The following FGF13 variants were observed in gnomAD, a reference collection of about 807,000 sequenced individuals.
FGF13 encodes the protein fibroblast growth factor 13.
FGF13 carries 2 observed loss-of-function variants against 19.5 expected under a neutral mutation model. That is an observed-to-expected ratio of 0.10 (90% confidence interval 0.04 to 0.32). The LOEUF (loss-of-function observed/expected upper bound fraction) is 0.32. FGF13 is among the 10% of genes least tolerant of loss of function. The pLI, the probability that FGF13 is intolerant of heterozygous loss-of-function variation, is 1.00. For synonymous variants in FGF13, 72 were observed against 76.9 expected, an observed-to-expected ratio of 0.94 and a Z score of 0.33; for missense variants, 113 against 192.7, an observed-to-expected ratio of 0.59 and a Z score of 2.45.
chrX:139,165,107 G>C (rs936480986), intron 1 of FGF13, among the ~76,000 whole-genome samples: 7 of 112,035 alleles, frequency 6.2e-5, no homozygotes, highest in East Asian at 5.7e-4. Flanking sequence ...CTCTCAGATG[G>C]AAATGAGAAA....
intron 3 of FGF13, among the ~76,000 whole-genome samples, chrX:138,796,939 T>C (rs193096771): frequency 4.0e-4 from 45 of 112,197 alleles, no homozygotes; most frequent in Admixed American, 1.9e-3. Context: ...AAGTTCCTTG[T>C]AGATTCTGGA....
intron 1 of FGF13, among the ~76,000 whole-genome samples, chrX:139,023,222 G>C (rs910772994): frequency 9.0e-6 from 1 of 111,020 alleles, no homozygotes; most frequent in African/African-American, 3.3e-5. Context: ...ATAGTAGTGT[G>C]AAAGCAGCTA....
intron 2 of FGF13, among the ~76,000 whole-genome samples, chrX:138,860,251 A>G (rs143869468): frequency 0.026 from 2,936 of 111,315 alleles, 102 homozygotes; most frequent in African/African-American, 0.088. Flanking sequence ...CTCAAGTAGG[A>G]TGGTGGCTGT....
At chrX:138,824,695 T>A (rs1433921893) in intron 3 of FGF13, among the ~76,000 whole-genome samples, 1 of 111,509 alleles carries the variant, frequency 9.0e-6, no homozygotes, top group African/African-American at 3.3e-5. Flanking sequence ...TTTGCCTATA[T>A]TCCTTCTAAG....
rs748124343 is a variant in FGF13 at position 138,875,231 on chromosome X, C to CAAAA, written c.-112-10585_-112-10582dup. On this transcript the variant is annotated intron_variant, in intron 1 of 2. Transcript: ENST00000421460. The stretch of plus-strand genomic sequence containing the variant: ...TCGGTGACAGAGCGAGACTCTGTCT[C>CAAAA]AAAAAAAAAAAAAAAAACAGAAAAG... Among the ~76,000 whole-genome samples the CAAAA allele has an allele frequency of 8.0e-3, 318 of 39,835 alleles. 4 individuals are homozygous for CAAAA. The highest frequency in any genetic ancestry group is 0.025 in the African/African-American group (300 of 11,765). 34.6% of individuals were successfully genotyped at this position (39,835 alleles called of 115,157 possible).
At chrX:139,037,365 G>T (rs1305067623) in intron 1 of FGF13, among the ~76,000 whole-genome samples, 1 of 110,492 alleles carries the variant, frequency 9.1e-6, no homozygotes, top group East Asian at 2.8e-4. Flanking sequence ...ATGCTTGACA[G>T]TAGTAAAAAA....
chrX:138,867,231 G>A (rs1338479335), intron 1 of FGF13, among the ~76,000 whole-genome samples: 1 of 110,485 alleles, frequency 9.1e-6, no homozygotes, highest in Non-Finnish European at 1.9e-5. Context: ...AACATAGTGA[G>A]ACCACATCTC....
At chrX:138,995,074 G>A (rs781548986) in intron 1 of FGF13, among the ~76,000 whole-genome samples, 28 of 109,294 alleles carry the variant, frequency 2.6e-4, no homozygotes, top group Admixed American at 2.2e-3. Context: ...CAATGAAGAG[G>A]GCAGGAAAGA....
At chrX:138,757,127 C>A (rs145047247) in intron 3 of FGF13, among the ~76,000 whole-genome samples, 3,981 of 110,713 alleles carry the variant, frequency 0.036, 70 homozygotes, top group Non-Finnish European at 0.056. Flanking sequence ...ATGCCATTTA[C>A]TGGCTTGGTA....
In FGF13 at chrX:138,649,818, C is replaced by A. The variant is rs966696140; in HGVS notation, c.403-14163G>T. On this transcript the variant is annotated intron_variant, in intron 3 of 4. Coordinates refer to ENST00000315930, the MANE Select transcript of FGF13 (RefSeq NM_004114.5). ...TGTAAAGAATCACAATGCATGATTTCCCTAGACAGTCAGAACTCCTCTGAA... is the reference window on the plus strand; with the variant it reads ...TGTAAAGAATCACAATGCATGATTTACCTAGACAGTCAGAACTCCTCTGAA... 3.6e-5 allele frequency among the ~76,000 whole-genome samples: 4 copies of A among 112,346 alleles called. No homozygotes were observed. In the East Asian group the frequency reaches 1.1e-3, roughly 31 times the overall value.
At chrX:138,738,810 T>C (rs965470212) in intron 1 of FGF13, among the ~76,000 whole-genome samples, 1 of 112,009 alleles carries the variant, frequency 8.9e-6, no homozygotes, top group Non-Finnish European at 1.9e-5. Context: ...AAAAGAAAAA[T>C]ACATTAAAAG....
intron 1 of FGF13, among the ~76,000 whole-genome samples, chrX:139,038,300 A>G (rs1051981320): frequency 3.6e-5 from 4 of 110,780 alleles, no homozygotes; most frequent in Non-Finnish European, 7.6e-5. Context: ...AACCCCGACC[A>G]CAGCGTTGTA....
At chrX:138,761,454 G>C (rs2090465578) in intron 3 of FGF13, among the ~76,000 whole-genome samples, 1 of 111,540 alleles carries the variant, frequency 9.0e-6, no homozygotes, top group Non-Finnish European at 1.9e-5. Flanking sequence ...GCTTTGAAAG[G>C]ACCACTGAGG....
Position 138,711,126 on chromosome X carries a change from G to T in FGF13, c.-123C>A. 9.0e-7 allele frequency: 1 copy of T among 1,105,499 alleles called. No homozygotes were observed. The highest frequency in any genetic ancestry group is 1.2e-6 in the Non-Finnish European group (1 of 848,694). The allele number at this position is 1,105,499 out of a possible 1,213,427, so 91.1% of individuals were successfully genotyped here. On this transcript the variant is annotated 5_prime_UTR_variant, in exon 1 of 5. Transcript: ENST00000315930. Reference sequence around the variant, plus strand: ...CGCCGCTTTGGTCTCCTTAGCCTGCGTTTGCCCGGGCTTCTCCGCACTCGG... The same window carrying T: ...CGCCGCTTTGGTCTCCTTAGCCTGCTTTTGCCCGGGCTTCTCCGCACTCGG...
At chrX:139,071,311 A>G (rs1288121406) in intron 1 of FGF13, among the ~76,000 whole-genome samples, 2 of 111,265 alleles carry the variant, frequency 1.8e-5, no homozygotes, top group African/African-American at 6.5e-5. Context: ...TATGCCTTCT[A>G]TTGGTTTGGA....
chrX:138,792,885 C>CT (rs1336890175), intron 3 of FGF13, among the ~76,000 whole-genome samples: 44 of 111,697 alleles, frequency 3.9e-4, no homozygotes, highest in Non-Finnish European at 1.9e-4. Context: ...GCCCTAACTC[C>CT]TGTAACCTGT....
intron 1 of FGF13, among the ~76,000 whole-genome samples, chrX:138,716,852 A>G (rs2090108137): frequency 8.9e-6 from 1 of 111,912 alleles, no homozygotes; most frequent in South Asian, 3.8e-4. Context: ...ATGAAAATCC[A>G]CAAGACCTTA....
At chrX:139,187,420 A>T (rs1433451387) in intron 1 of FGF13, among the ~76,000 whole-genome samples, 1 of 112,626 alleles carries the variant, frequency 8.9e-6, no homozygotes, top group Non-Finnish European at 1.9e-5. Flanking sequence ...AAGTTGATTA[A>T]GCCACTTTCT....
In FGF13 at chrX:138,617,947, G is replaced by A. The variant is rs898742004; in HGVS notation, c.*14903C>T. On this transcript the variant is annotated 3_prime_UTR_variant, in exon 5 of 5. Transcript: ENST00000315930. ...GACAGAGTGAGACCTCAACCCCAGAGAGAGAGAGAGAGAGAGAGAATATTT... is the reference window on the plus strand; with the variant it reads ...GACAGAGTGAGACCTCAACCCCAGAAAGAGAGAGAGAGAGAGAGAATATTT... 2.7e-5 allele frequency: 3 copies of A among 110,131 alleles called. No homozygotes were observed. Among genetic ancestry groups the A allele is most frequent in the Non-Finnish European group, 5.7e-5 (3 of 52,713 alleles). The allele number at this position is 110,131 out of a possible 1,213,427, so 9.1% of individuals were successfully genotyped here. A position where few individuals can be genotyped will look rare whatever the true frequency, so the allele number is the denominator to read the frequency against.
Sources: gnomAD v4.1 joint callset for allele counts (sites outside exome capture counted in the v4.1 genomes callset) on GRCh38, gnomAD v4.1.1 for gene constraint, MANE v1.5 for transcripts, NCBI Gene and HGNC (gene_info 2026-07-23, HGNC 2026-07-21) for gene names.